Variants in DDA1 observed in about 807,000 individuals in gnomAD.
DDA1 encodes the protein DET1- and DDB1-associated protein 1.
A neutral mutation model predicts 18.6 loss-of-function variants in DDA1; 3 were observed. The observed-to-expected ratio is 0.16, with a 90% confidence interval of 0.07 to 0.42. The LOEUF is 0.42. Among genes scored for constraint, DDA1 ranks in the 10% least tolerant of loss-of-function variants. The probability of loss-of-function intolerance (pLI) is 0.99; values close to 1 mark genes in which losing one functional copy is unlikely to be tolerated. For missense variants in DDA1, 105 were observed against 138.2 expected (o/e 0.76, Z 1.20); for synonymous variants, 52 against 54.0 (o/e 0.96, Z 0.17).
Position 17,316,050 on chromosome 19 carries a change from C to A in DDA1, c.198+55C>A, listed in dbSNP as rs1476767718. ...TTGTGGGTGGACAGAGACTGGGCAC[C>A]TGGCAGGGGCTTCTGAGCACAGGAA... On this transcript the variant is annotated intron_variant, in intron 4 of 4. Coordinates refer to ENST00000359866, the MANE Select transcript of DDA1 (RefSeq NM_024050.6). The A allele has an allele frequency of 1.9e-6, 3 of 1,578,856 alleles. No homozygotes were observed. The African/African-American group carries it at 4.0e-5, about 21-fold the overall frequency.
chr19:17,311,887 C>T (rs1375707802), intron 1 of DDA1, among the ~76,000 whole-genome samples: 1 of 152,156 alleles, frequency 6.6e-6, no homozygotes, highest in Non-Finnish European at 1.5e-5. Flanking sequence ...TGGCATTTGT[C>T]TGGAATGAGG....
At chr19:17,315,359 T>TACAC (rs1480066219) in intron 3 of DDA1, among the ~76,000 whole-genome samples, 3 of 60,730 alleles carry the variant, frequency 4.9e-5, no homozygotes, top group African/African-American at 1.2e-4. Flanking sequence ...GCTATATATA[T>TACAC]ACGCTATATA....
rs952085103 is a variant in DDA1, at chr19:17,323,282, A to C, written c.*3626A>C. The C allele has an allele frequency of 5.3e-5, 17 of 322,116 alleles. No individual in the cohort carries two copies. The highest frequency in any genetic ancestry group is 9.0e-5 in the Non-Finnish European group (16 of 177,694). The allele number at this position is 322,116 out of a possible 1,614,324, so 20.0% of individuals were successfully genotyped here. A position where few individuals can be genotyped will look rare whatever the true frequency, so the allele number is the denominator to read the frequency against. On this transcript the variant is annotated 3_prime_UTR_variant, in exon 5 of 5. Coordinates refer to ENST00000359866, the MANE Select transcript of DDA1 (RefSeq NM_024050.6). ...CGTTTTACAAAAATATGACAAAATAAATTAAAAACAAATAAATAATCGCCT... is the reference window on the plus strand; with the variant it reads ...CGTTTTACAAAAATATGACAAAATACATTAAAAACAAATAAATAATCGCCT...
At chr19:17,318,054 T>C (rs952301514) in intron 4 of DDA1, among the ~76,000 whole-genome samples, 4 of 151,904 alleles carry the variant, frequency 2.6e-5, no homozygotes, top group African/African-American at 9.7e-5. Context: ...GATGAGGTCT[T>C]GCTCTGTCAC....
rs1397726091 is a variant in DDA1 at position 17,314,645 on chromosome 19, C to T, written c.136+256C>T. 1 of 535,328 alleles carries T rather than the reference C, an allele frequency of 1.9e-6. No individual in the cohort carries two copies. Among genetic ancestry groups the T allele is most frequent in the Non-Finnish European group, 3.4e-6 (1 of 297,902 alleles). 33.2% of individuals were successfully genotyped at this position (535,328 alleles called of 1,614,324 possible). On this transcript the variant is annotated intron_variant, in intron 3 of 4. Transcript: ENST00000359866. The surrounding 1 kb of genome is among the most constrained non-coding windows in gnomAD (Gnocchi z 4.6). ...CCCAGCCCCTGGGGACAGCCAGAAA[C>T]CTGGCTTTCCCCAGGTGTCTCTTGA... is the stretch of plus-strand genomic sequence containing the variant.
rs1286420816 is a variant in DDA1, at chr19:17,314,012, A to G, written c.4-11A>G. 7.4e-6 allele frequency: 12 copies of G among 1,612,796 alleles called. No homozygotes were observed. The highest frequency in any genetic ancestry group is 1.0e-5 in the Non-Finnish European group (12 of 1,178,952). On this transcript the variant is annotated splice_polypyrimidine_tract_variant and intron_variant, in intron 1 of 4. Transcript: ENST00000359866. This position sits in a 1 kb window ranked among gnomAD's most constrained non-coding sequence, Gnocchi z 4.6. ...CCTGTTTTCTCATGTACCATCTTCC[A>G]TGTCTTCTAGGCAGATTTTTTGAAA...
intron 1 of DDA1, among the ~76,000 whole-genome samples, chr19:17,313,524 C>A (rs897495229): frequency 1.4e-5 from 2 of 147,524 alleles, no homozygotes; most frequent in Non-Finnish European, 3.0e-5. Context: ...CTCACTGCAA[C>A]CTCTGCCTCC....
In DDA1 at chr19:17,314,168, G is replaced by A. The variant is rs1374767943; in HGVS notation, c.84+65G>A. ...TCCAGGGGGCCTGGGGGCAGCTTGT[G>A]TCCCCCGATTGGGGTCTTGGCTGGA... On this transcript the variant is annotated intron_variant, in intron 2 of 4. Coordinates refer to ENST00000359866, the MANE Select transcript of DDA1 (RefSeq NM_024050.6). The surrounding 1 kb of genome is among the most constrained non-coding windows in gnomAD (Gnocchi z 4.6). The A allele has an allele frequency of 1.9e-6, 3 of 1,583,974 alleles. No homozygotes were observed. The highest frequency in any genetic ancestry group is 4.5e-5 in the East Asian group (2 of 44,574).
At chr19:17,312,982 G>A (rs1166418881) in intron 1 of DDA1, among the ~76,000 whole-genome samples, 1 of 152,152 alleles carries the variant, frequency 6.6e-6, no homozygotes, top group Non-Finnish European at 1.5e-5. Context: ...CAGCAGAGGA[G>A]GGGCCAGATG....
rs1331309330 is a variant in DDA1, at chr19:17,315,995, G to C, written c.198G>C (p.Lys66Asn). The stretch of plus-strand genomic sequence containing the variant: ...ACCTGCATCAGCAATGGGACAAAAA[G>C]GTGAGGCCCACAGGGCTCTGGTGCA... ...LRYLHQQWDK[K>N]NAAKKRDQEQ... Residue 66 changes from lysine to asparagine, a missense_variant and splice_region_variant, in exon 4 of 5, where the codon AAG (lysine) becomes AAC (asparagine). Lys to Asn is a moderately conservative substitution (Grantham distance 94). Around this residue, in one of 2 missense-constraint regions of DDA1, gnomAD observed 62 missense variants for 55.8 expected, o/e 1.11. Coordinates refer to ENST00000359866, the MANE Select transcript of DDA1 (RefSeq NM_024050.6). 3 of 1,614,044 alleles carry C rather than the reference G, an allele frequency of 1.9e-6. No individual in the cohort carries two copies. The highest frequency in any genetic ancestry group is 2.5e-6 in the Non-Finnish European group (3 of 1,180,020).
At chr19:17,318,618 C>G (rs954070793) in intron 4 of DDA1, among the ~76,000 whole-genome samples, 3 of 150,104 alleles carry the variant, frequency 2.0e-5, no homozygotes, top group Non-Finnish European at 3.0e-5. Context: ...CCACCCACCT[C>G]GGCCTCCCAA....
rs910628226 is a variant in DDA1 at position 17,309,594 on chromosome 19, G to T, written c.-61G>T. 5.1e-6 allele frequency: 8 copies of T among 1,575,080 alleles called. No homozygotes were observed. The highest frequency in any genetic ancestry group is 3.4e-5 in the Admixed American group (2 of 59,502). ...CTGTGAGGCGGCGGCTAAGAAGGCG[G>T]CTCTGGTGGCGGCGGTGGAGGCTGA... On this transcript the variant is annotated 5_prime_UTR_variant, in exon 1 of 5. Coordinates refer to ENST00000359866, the MANE Select transcript of DDA1 (RefSeq NM_024050.6).
chr19:17,322,279 C>T lies in DDA1; in HGVS notation c.*2623C>T, dbSNP rs1262896217. The T allele has an allele frequency of 6.5e-6, 1 of 153,090 alleles. No homozygotes were observed. Among genetic ancestry groups the T allele is most frequent in the Non-Finnish European group, 1.5e-5 (1 of 68,654 alleles). 9.5% of individuals were successfully genotyped at this position (153,090 alleles called of 1,614,324 possible). A position where few individuals can be genotyped will look rare whatever the true frequency, so the allele number is the denominator to read the frequency against. On this transcript the variant is annotated 3_prime_UTR_variant, in exon 5 of 5. Transcript: ENST00000359866. ...CCCAGCTTGCCTCCCTGTGGCCTCC[C>T]CCTAGAACCCCTGGGTCTGTCGGGA... is the stretch of plus-strand genomic sequence containing the variant.
chr19:17,315,775 T>G, intron 3 of DDA1, 159 bp from the exon 4 acceptor site: 1 of 706,336 alleles, frequency 1.4e-6, no homozygotes, highest in Non-Finnish European at 2.5e-6. Flanking sequence ...CCTCTGGGAG[T>G]AGCTGCGAGT....
chr19:17,309,586 AGAAGGCGG>A lies in DDA1; in HGVS notation c.-68_-61del. The A allele has an allele frequency of 6.5e-7, 1 of 1,546,702 alleles. No individual in the cohort carries two copies. The highest frequency in any genetic ancestry group is 1.1e-5 in the South Asian group (1 of 89,124). ...GGAAGTTACTGTGAGGCGGCGGCTA[AGAAGGCGG>A]CTCTGGTGGCGGCGGTGGAGGCTGA... is the stretch of plus-strand genomic sequence containing the variant. On this transcript the variant is annotated 5_prime_UTR_variant, in exon 1 of 5. Coordinates refer to ENST00000359866, the MANE Select transcript of DDA1 (RefSeq NM_024050.6).
chr19:17,314,665 T>C lies in DDA1; in HGVS notation c.136+276T>C. ...AGAAACCTGGCTTTCCCCAGGTGTC[T>C]CTTGATTGGGACACACTGGGATCCA... On this transcript the variant is annotated intron_variant, in intron 3 of 4. Coordinates refer to ENST00000359866, the MANE Select transcript of DDA1 (RefSeq NM_024050.6). This position sits in a 1 kb window ranked among gnomAD's most constrained non-coding sequence, Gnocchi z 4.6. The C allele has an allele frequency of 2.0e-6, 1 of 505,398 alleles. No homozygotes were observed. Among genetic ancestry groups the C allele is most frequent in the Non-Finnish European group, 3.6e-6 (1 of 278,732 alleles). The allele number at this position is 505,398 out of a possible 1,614,324, so 31.3% of individuals were successfully genotyped here.
chr19:17,315,273 GTATATACACACACTA>G lies in DDA1; in HGVS notation c.137-654_137-640del, dbSNP rs1568353914. On this transcript the variant is annotated intron_variant, in intron 3 of 4. Coordinates refer to ENST00000359866, the MANE Select transcript of DDA1 (RefSeq NM_024050.6). ...CACACACGTGTATATACACACACGT[GTATATACACACACTA>G]TATATATACACACGTGTATATATAT... Among the ~76,000 whole-genome samples the G allele has an allele frequency of 5.0e-4, 29 of 57,710 alleles. 2 individuals are homozygous for G. Among genetic ancestry groups the G allele is most frequent in the Admixed American group, 1.2e-3 (9 of 7,544 alleles). 37.9% of individuals were successfully genotyped at this position (57,710 alleles called of 152,430 possible). A position where few individuals can be genotyped will look rare whatever the true frequency, so the allele number is the denominator to read the frequency against.
At chr19:17,315,429 C>CATATATGTATATATATATATAT (rs1555722795) in intron 3 of DDA1, among the ~76,000 whole-genome samples, 1 of 52,040 alleles carries the variant, frequency 1.9e-5, no homozygotes, top group African/African-American at 7.7e-5. Flanking sequence ...TGTGTGTGTG[C>CATATATGTATATATATATATAT]ATATATATAT....
intron 3 of DDA1, among the ~76,000 whole-genome samples, chr19:17,315,351 TATATATATACGCTA>T: frequency 1.6e-5 from 1 of 61,610 alleles, no homozygotes; most frequent in Admixed American, 1.5e-4. Flanking sequence ...ATATACACGC[TATATATATACGCTA>T]TATATATACA....
Sources: gnomAD v4.1 joint callset for allele counts (sites outside exome capture counted in the v4.1 genomes callset) on GRCh38, gnomAD v4.1.1 for gene constraint, gnomAD v4.1.1 regional missense constraint, Gnocchi (gnomAD v3.1) non-coding constraint, MANE v1.5 for transcripts, NCBI Gene and HGNC (gene_info 2026-07-23, HGNC 2026-07-21) for gene names.